ZNF235: variants seen among roughly 807,000 people sequenced by gnomAD.
ZNF235 encodes the protein zfp-93.
In ZNF235, 25 loss-of-function variants were observed where a neutral mutation model predicts 29.4. That is an observed-to-expected ratio of 0.85 (90% CI 0.62 to 1.19). ZNF235 has a LOEUF of 1.19. ZNF235 is among the 50% of genes most tolerant of loss of function. The pLI, the probability that ZNF235 is intolerant of heterozygous loss-of-function variation, is 0.00. For missense variants in ZNF235, 788 were observed against 885.0 expected, an observed-to-expected ratio of 0.89 and a Z score of 1.39; for synonymous variants, 300 against 295.3, an observed-to-expected ratio of 1.02 and a Z score of -0.16.
At chr19:44,300,985 A>T (rs367828057) in intron 2 of ZNF235, among the ~76,000 whole-genome samples, 1 of 151,716 alleles carries the variant, frequency 6.6e-6, no homozygotes, top group Non-Finnish European at 1.5e-5. Flanking sequence ...GATTCTCCAT[A>T]CTCTGGCCAA....
intron 3 of ZNF235, 118 bp from the exon 4 acceptor site, chr19:44,299,021 T>C (rs962695787): frequency 3.6e-6 from 2 of 553,086 alleles, no homozygotes; most frequent in South Asian, 2.6e-5. Flanking sequence ...TTAGGGAACA[T>C]TTTTTTTTGT....
intron 4 of ZNF235, among the ~76,000 whole-genome samples, chr19:44,291,875 G>C (rs1188414383): frequency 6.6e-6 from 1 of 152,046 alleles, no homozygotes; most frequent in African/African-American, 2.4e-5. Flanking sequence ...AAATGAAAAG[G>C]TGTAAATACT....
chr19:44,287,423 C>G lies in ZNF235; in HGVS notation c.2012G>C (p.Ser671Thr). The change falls in exon 5 of 5, where the codon AGT (serine) becomes ACT (threonine). Residue 671 changes from serine to threonine, a missense_variant. Physicochemically the swap from Ser to Thr is moderately conservative, Grantham distance 58 (BLOSUM62 1). Transcript: ENST00000291182. ...TCCTGTGTGGACCCTCTGATGGGCACTGAGACCAGCACTCCAACTGAATTC... is the reference window on the plus strand; with the variant it reads ...TCCTGTGTGGACCCTCTGATGGGCAGTGAGACCAGCACTCCAACTGAATTC... ...GKEFSWSAGL[S>T]AHQRVHTGEK... 1 of 1,608,362 alleles carries G rather than the reference C, an allele frequency of 6.2e-7. No individual in the cohort carries two copies. The highest frequency in any genetic ancestry group is 8.5e-7 in the Non-Finnish European group (1 of 1,178,054).
At chr19:44,296,612 T>C (rs1031178648) in intron 4 of ZNF235, among the ~76,000 whole-genome samples, 1 of 152,200 alleles carries the variant, frequency 6.6e-6, no homozygotes, top group African/African-American at 2.4e-5. Context: ...CTATGTTTTA[T>C]ACATTTTTGA....
intron 4 of ZNF235, among the ~76,000 whole-genome samples, chr19:44,298,334 T>A (rs900590110): frequency 6.6e-6 from 1 of 151,850 alleles, no homozygotes; most frequent in African/African-American, 2.4e-5. Flanking sequence ...ATTTTACTCA[T>A]GAAATGGGAA....
chr19:44,297,532 C>T (rs919136360), intron 4 of ZNF235, among the ~76,000 whole-genome samples: 21 of 152,180 alleles, frequency 1.4e-4, no homozygotes, highest in African/African-American at 4.6e-4. Context: ...GGTGCGATTT[C>T]GGCTCACTGC....
chr19:44,300,453 T>C (rs1568646640), intron 2 of ZNF235, among the ~76,000 whole-genome samples: 1 of 152,226 alleles, frequency 6.6e-6, no homozygotes, highest in Non-Finnish European at 1.5e-5. Flanking sequence ...TTCTAAATAA[T>C]GCACATTTGA....
In ZNF235 at chr19:44,286,991, C is replaced by A. The variant is rs957690410; in HGVS notation, c.*227G>T. On this transcript the variant is annotated 3_prime_UTR_variant, in exon 5 of 5. Coordinates refer to ENST00000291182, the MANE Select transcript of ZNF235 (RefSeq NM_004234.4). ...GACACCTGGTACTCTGATATAAACA[C>A]TGATCATATTTACAGAACAAAGTTT... The A allele has an allele frequency of 2.1e-6, 1 of 486,052 alleles. No individual in the cohort carries two copies. Among genetic ancestry groups the A allele is most frequent in the Non-Finnish European group, 3.6e-6 (1 of 279,364 alleles). 30.1% of individuals were successfully genotyped at this position (486,052 alleles called of 1,614,324 possible). A position where few individuals can be genotyped will look rare whatever the true frequency, so the allele number is the denominator to read the frequency against.
At chr19:44,300,974 C>T (rs565053094) in intron 2 of ZNF235, among the ~76,000 whole-genome samples, 4 of 151,910 alleles carry the variant, frequency 2.6e-5, no homozygotes, top group Admixed American at 2.0e-4. Flanking sequence ...TAAGTATTCC[C>T]GATTCTCCAT....
chr19:44,289,256 G>T, intron 4 of ZNF235, 60 bp from the exon 5 acceptor site: 5 of 1,435,492 alleles, frequency 3.5e-6, no homozygotes, highest in South Asian at 3.0e-5. Context: ...GCAAAGTAGA[G>T]AATTAAGATC....
rs775568359 is a variant in ZNF235, at chr19:44,288,746, T to C, written c.689A>G (p.His230Arg). 12 of 1,614,094 alleles carry C rather than the reference T, an allele frequency of 7.4e-6. No individual in the cohort carries two copies. Among genetic ancestry groups the C allele is most frequent in the South Asian group, 1.1e-5 (1 of 91,082 alleles). Reference sequence around the variant, plus strand: ...ATTGCTATGAACTTTATCTCTTTTGTGCACTATATTATCATCATGGTGGTG... The same window carrying C: ...ATTGCTATGAACTTTATCTCTTTTGCGCACTATATTATCATCATGGTGGTG... ...ISHHHDDNIV[H>R]KRDKVHSNSD... The change falls in exon 5 of 5, where the codon CAC (histidine) becomes CGC (arginine). Residue 230 changes from histidine (H) to arginine (R), a missense_variant. Physicochemically the swap from His to Arg is conservative, Grantham distance 29. Transcript: ENST00000291182.
chr19:44,292,375 T>A (rs1343818267), intron 4 of ZNF235, among the ~76,000 whole-genome samples: 4 of 151,618 alleles, frequency 2.6e-5, no homozygotes, highest in African/African-American at 9.7e-5. Context: ...GAGAAAGAGA[T>A]AGGTATCTTT....
intron 4 of ZNF235, among the ~76,000 whole-genome samples, chr19:44,296,602 CTA>C (rs538140307): frequency 5.9e-4 from 90 of 152,180 alleles, no homozygotes; most frequent in Middle Eastern, 3.4e-3. Context: ...AATCAATTTT[CTA>C]TGTTTTATAC....
chr19:44,302,978 ATATT>A (rs553190061), intron 2 of ZNF235, among the ~76,000 whole-genome samples: 4,589 of 119,890 alleles, frequency 0.038, 303 homozygotes, highest in African/African-American at 0.15. Context: ...ATATATGTAT[ATATT>A]TATATATAAA....
intron 4 of ZNF235, among the ~76,000 whole-genome samples, chr19:44,298,595 T>C (rs1975687315): frequency 6.6e-6 from 1 of 152,110 alleles, no homozygotes; most frequent in South Asian, 2.1e-4. Flanking sequence ...TTTTGCTATG[T>C]TAAAGACCCC....
intron 3 of ZNF235, 32 bp from the exon 4 acceptor site, chr19:44,298,935 T>C: frequency 6.4e-7 from 1 of 1,556,404 alleles, no homozygotes. Flanking sequence ...GTGAAAATGT[T>C]AAAGGCAAAG....
In ZNF235 at chr19:44,303,422, T is replaced by G; in HGVS notation, c.-18A>C. On this transcript the variant is annotated 5_prime_UTR_variant, in exon 2 of 5. Transcript: ENST00000291182. ...TTGGTCATTTTTCCCCTCCTCCTTC[T>G]GGGAAAAGGCAGAGTTCCGGGGAAG... is the stretch of plus-strand genomic sequence containing the variant. The G allele has an allele frequency of 6.2e-7, 1 of 1,609,980 alleles. No homozygotes were observed. The highest frequency in any genetic ancestry group is 8.5e-7 in the Non-Finnish European group (1 of 1,177,562).
intron 3 of ZNF235, 96 bp downstream of exon 3, chr19:44,299,510 G>GGA: frequency 2.6e-6 from 4 of 1,516,324 alleles, no homozygotes; most frequent in Non-Finnish European, 3.6e-6. Flanking sequence ...AAAATACACA[G>GGA]GATAGCCTGA....
At chr19:44,291,854 C>G (rs1975589135) in intron 4 of ZNF235, among the ~76,000 whole-genome samples, 1 of 152,088 alleles carries the variant, frequency 6.6e-6, no homozygotes, top group African/African-American at 2.4e-5. Context: ...GCTAGACAAA[C>G]TCTTCCAGAA....
Sources: allele counts gnomAD v4.1 joint callset (sites outside exome capture counted in the v4.1 genomes callset), GRCh38; gene constraint gnomAD v4.1.1; transcripts MANE v1.5; gene names NCBI Gene and HGNC (gene_info 2026-07-23, HGNC 2026-07-21).